The following IQSEC1 variants were observed in gnomAD, a reference collection of about 807,000 sequenced individuals.
IQSEC1 encodes IQ motif and SEC7 domain-containing protein 1.
IQSEC1 carries 31 observed loss-of-function variants against 91.0 expected under a neutral mutation model. That is an observed-to-expected ratio of 0.34 (90% CI 0.26 to 0.46). The LOEUF (loss-of-function observed/expected upper bound fraction) is 0.46, where lower values mean the gene tolerates loss of function less well. Ranked by LOEUF, IQSEC1 falls within the 20% of genes least tolerant of loss-of-function variation. The pLI is 1.00. For missense variants in IQSEC1, 1,388 were observed against 1,575.6 expected (o/e 0.88, Z 2.02); for synonymous variants, 699 against 662.6 (o/e 1.05, Z -0.84).
intron 1 of IQSEC1, among the ~76,000 whole-genome samples, chr3:13,053,444 C>G (rs966339906): frequency 1.3e-5 from 2 of 152,242 alleles, no homozygotes; most frequent in South Asian, 4.1e-4. Context: ...TGGATCCAGG[C>G]CTCAGGGCGG....
intron 1 of IQSEC1, among the ~76,000 whole-genome samples, chr3:13,009,266 C>G (rs768974128): frequency 4.6e-5 from 7 of 152,196 alleles, no homozygotes; most frequent in Non-Finnish European, 1.0e-4. Flanking sequence ...GGACCGGTGC[C>G]CGGACTGCCA....
chr3:13,136,970 T>A (rs1706722349), intron 2 of IQSEC1, among the ~76,000 whole-genome samples: 1 of 152,084 alleles, frequency 6.6e-6, no homozygotes, highest in Non-Finnish European at 1.5e-5. Flanking sequence ...GACCCCTGTC[T>A]CTAAATAAAA....
chr3:12,921,914 C>A (rs1696666301), intron 5 of IQSEC1, among the ~76,000 whole-genome samples: 1 of 152,216 alleles, frequency 6.6e-6, no homozygotes, highest in Non-Finnish European at 1.5e-5. Flanking sequence ...TTCTCCACCC[C>A]CACCACCTCA....
intron 2 of IQSEC1, among the ~76,000 whole-genome samples, chr3:13,113,550 G>T (rs562171467): frequency 6.6e-6 from 1 of 151,192 alleles, no homozygotes; most frequent in South Asian, 2.1e-4. Flanking sequence ...GTTTCCTGGG[G>T]TGGGCACTGC....
chr3:13,035,349 A>T (rs529027881), intron 1 of IQSEC1, among the ~76,000 whole-genome samples: 1 of 151,886 alleles, frequency 6.6e-6, no homozygotes, highest in South Asian at 2.1e-4. Context: ...CCTTCTCAGG[A>T]CTCTTCTGCC....
At chr3:12,947,600 A>G (rs1161234719) in intron 1 of IQSEC1, among the ~76,000 whole-genome samples, 1 of 152,224 alleles carries the variant, frequency 6.6e-6, no homozygotes, top group Non-Finnish European at 1.5e-5. Flanking sequence ...GGGAATGGCC[A>G]TGAGCAGGAG....
rs192751658 is a variant in IQSEC1 at position 13,117,741 on chromosome 3, C to T, written c.302+46363G>A. ...CTCTACTGAAAATACAAAAATTAGC[C>T]GGGCGTGGTAGAGTGCACCTGTAGT... On this transcript the variant is annotated intron_variant, in intron 2 of 15. Transcript: ENST00000648114. 1.5e-4 allele frequency among the ~76,000 whole-genome samples: 22 copies of T among 151,192 alleles called. No individual in the cohort carries two copies. The East Asian group carries it at 2.8e-3, about 19-fold the overall frequency.
chr3:13,125,881 G>A (rs927385848), intron 2 of IQSEC1, among the ~76,000 whole-genome samples: 5 of 152,194 alleles, frequency 3.3e-5, no homozygotes, highest in Non-Finnish European at 7.3e-5. Context: ...CTGCTAAAAG[G>A]GACCTGGCCA....
chr3:13,276,323 C>T (rs1175515288), intron 1 of IQSEC1, among the ~76,000 whole-genome samples: 4 of 151,894 alleles, frequency 2.6e-5, no homozygotes, highest in African/African-American at 7.3e-5. Context: ...CTCCTGACCT[C>T]GTGATCCGCC....
chr3:12,977,747 T>C (rs1701257172), intron 1 of IQSEC1, among the ~76,000 whole-genome samples: 1 of 152,254 alleles, frequency 6.6e-6, no homozygotes, highest in Non-Finnish European at 1.5e-5. Context: ...TGCCATTAAG[T>C]GCTCCTAAAT....
chr3:13,010,685 G>A (rs994276588), intron 1 of IQSEC1, among the ~76,000 whole-genome samples: 4 of 152,080 alleles, frequency 2.6e-5, no homozygotes, highest in African/African-American at 9.7e-5. Flanking sequence ...GCCAGTCTGG[G>A]GTGCCTCTTT....
intron 1 of IQSEC1, among the ~76,000 whole-genome samples, chr3:13,236,126 G>A (rs1320378115): frequency 1.3e-5 from 2 of 152,058 alleles, no homozygotes; most frequent in South Asian, 4.2e-4. Flanking sequence ...TGTTCCCTTT[G>A]TTCCCGCTGC....
chr3:13,225,220 T>C (rs571198454), intron 1 of IQSEC1, among the ~76,000 whole-genome samples: 16 of 152,338 alleles, frequency 1.1e-4, no homozygotes, highest in Non-Finnish European at 2.4e-4. Context: ...GGCATGAACG[T>C]CCCTTTTGTC....
chr3:13,253,915 C>G (rs1311028778), intron 1 of IQSEC1, among the ~76,000 whole-genome samples: 1 of 152,144 alleles, frequency 6.6e-6, no homozygotes, highest in Non-Finnish European at 1.5e-5. Flanking sequence ...AGAACACAGG[C>G]CACCGATGGA....
intron 2 of IQSEC1, among the ~76,000 whole-genome samples, chr3:13,113,961 G>C (rs962805174): frequency 1.3e-5 from 2 of 152,276 alleles, no homozygotes; most frequent in African/African-American, 2.4e-5. Flanking sequence ...TGGGAGCACA[G>C]AGCCAACTGC....
At chr3:13,052,273 C>T (rs1477958994) in intron 1 of IQSEC1, among the ~76,000 whole-genome samples, 1 of 152,232 alleles carries the variant, frequency 6.6e-6, no homozygotes, top group Admixed American at 6.5e-5. Context: ...TTTCATCTCT[C>T]AAGTGCCACA....
chr3:12,911,488 C>T (rs1695550156), intron 10 of IQSEC1, 141 bp downstream of exon 10: 1 of 671,656 alleles, frequency 1.5e-6, no homozygotes, highest in Admixed American at 2.1e-5. Context: ...CTCACCGGAG[C>T]TCCTAGCTGC....
rs1351829929 is a variant in IQSEC1, at chr3:13,193,550, G to C, written c.273-29417C>G. ...GAGGAGTGCCAGCCCAGGCCGCCAG[G>C]GTGACAGGAAGAAAGGGAGGGGAAC... On this transcript the variant is annotated intron_variant, in intron 1 of 15. Coordinates refer to the IQSEC1 transcript ENST00000648114. This position sits in a 1 kb window ranked among gnomAD's most constrained non-coding sequence, Gnocchi z 4.2. Among the ~76,000 whole-genome samples, 1 of 152,186 alleles carries C rather than the reference G, an allele frequency of 6.6e-6. No individual in the cohort carries two copies. Among genetic ancestry groups the C allele is most frequent in the African/African-American group, 2.4e-5 (1 of 41,460 alleles).
intron 1 of IQSEC1, among the ~76,000 whole-genome samples, chr3:13,192,886 T>C (rs1490350234): frequency 6.6e-6 from 1 of 152,152 alleles, no homozygotes; most frequent in East Asian, 1.9e-4. Flanking sequence ...AGGGGGAGCA[T>C]TTGCCTCACC....
Sources: gnomAD v4.1 joint callset for allele counts (sites outside exome capture counted in the v4.1 genomes callset) on GRCh38, gnomAD v4.1.1 for gene constraint, Gnocchi (gnomAD v3.1) non-coding constraint, MANE v1.5 for transcripts, NCBI Gene and HGNC (gene_info 2026-07-23, HGNC 2026-07-21) for gene names.